Variants in TTC6 observed in about 807,000 individuals in gnomAD.
The protein encoded by TTC6 is tetratricopeptide repeat domain 6, also known as tetratricopeptide repeat protein 6.
Under a neutral mutation model 210.4 loss-of-function variants are expected in TTC6, and 172 were observed. That is an observed-to-expected ratio of 0.82 (90% CI 0.72 to 0.93). The LOEUF is 0.93. TTC6 is among the 40% of genes least tolerant of loss of function. The pLI is 0.00. For synonymous variants in TTC6, 804 were observed against 819.6 expected (o/e 0.98, Z 0.32); for missense variants, 2,414 against 2,318.1 (o/e 1.04, Z -0.85).
Position 37,803,787 on chromosome 14 carries a change from G to GTAATCC in TTC6, c.4030-892_4030-887dup, listed in dbSNP as rs1468801388. 2.0e-5 allele frequency among the ~76,000 whole-genome samples: 3 copies of GTAATCC among 152,296 alleles called. No homozygotes were observed. In the East Asian group the frequency reaches 5.8e-4, roughly 29 times the overall value. ...AGTAGAAAGGGGGGAAATTGAGACA[G>GTAATCC]TAATCCACTTTTTCTAGGCAAGGTC... On this transcript the variant is annotated intron_variant, in intron 20 of 30. Transcript: ENST00000553443.
intron 2 of TTC6, among the ~76,000 whole-genome samples, chr14:37,606,957 A>G (rs751963457): frequency 2.6e-5 from 4 of 152,226 alleles, no homozygotes; most frequent in African/African-American, 4.8e-5. Context: ...GCTGATTTGC[A>G]TTTGACATAA....
chr14:37,662,775 T>C (rs1245806327), intron 1 of TTC6, among the ~76,000 whole-genome samples: 1 of 152,194 alleles, frequency 6.6e-6, no homozygotes, highest in Non-Finnish European at 1.5e-5. Context: ...ATGTGCCTGT[T>C]TTTGTATCAG....
intron 14 of TTC6, among the ~76,000 whole-genome samples, chr14:37,779,581 C>A (rs1326228163): frequency 6.6e-6 from 1 of 152,144 alleles, no homozygotes; most frequent in African/African-American, 2.4e-5. Context: ...TTCTTAGAAA[C>A]ATGTCCTTTA....
intron 28 of TTC6, among the ~76,000 whole-genome samples, chr14:37,826,641 A>T (rs1017105815): frequency 6.6e-6 from 1 of 152,152 alleles, no homozygotes; most frequent in African/African-American, 2.4e-5. Context: ...AATGCATAAC[A>T]TAAAATAATG....
intron 1 of TTC6, among the ~76,000 whole-genome samples, chr14:37,664,181 G>T (rs1193100200): frequency 6.6e-6 from 1 of 150,510 alleles, no homozygotes; most frequent in East Asian, 1.9e-4. Flanking sequence ...CAAAAAAAGA[G>T]CCCATGTAGC....
chr14:37,724,767 T>C, intron 6 of TTC6, 131 bp from the exon 9 acceptor site: 1 of 493,094 alleles, frequency 2.0e-6, no homozygotes, highest in South Asian at 3.8e-5. Flanking sequence ...AAAAAAATTC[T>C]TATCCATATT....
intron 26 of TTC6, among the ~76,000 whole-genome samples, chr14:37,820,656 G>C (rs2096153267): frequency 6.6e-6 from 1 of 152,176 alleles, no homozygotes; most frequent in Non-Finnish European, 1.5e-5. Context: ...GAATATAAGA[G>C]AAGGGGATTT....
At chr14:37,814,063 T>C (rs1227082996) in intron 25 of TTC6, among the ~76,000 whole-genome samples, 1 of 152,166 alleles carries the variant, frequency 6.6e-6, no homozygotes, top group Non-Finnish European at 1.5e-5. Flanking sequence ...CTTAAAAATA[T>C]AAACTAGATC....
At chr14:37,687,495 G>T (rs1472130513) in intron 3 of TTC6, among the ~76,000 whole-genome samples, 1 of 152,166 alleles carries the variant, frequency 6.6e-6, no homozygotes, top group African/African-American at 2.4e-5. Flanking sequence ...TGAGACACCA[G>T]CCAGGGCAGC....
At chr14:37,646,065 G>A (rs961091246) in intron 1 of TTC6, among the ~76,000 whole-genome samples, 3 of 152,114 alleles carry the variant, frequency 2.0e-5, no homozygotes, top group Non-Finnish European at 2.9e-5. Context: ...CTTTGGGTGG[G>A]AATATCAGGA....
chr14:37,604,601 C>G (rs144087703), intron 1 of TTC6, among the ~76,000 whole-genome samples: 1 of 151,960 alleles, frequency 6.6e-6, no homozygotes, highest in Admixed American at 6.6e-5. Context: ...TCAGAGACCC[C>G]GATCATCGCC....
At chr14:37,777,770 G>GTTT (rs71127243) in intron 14 of TTC6, among the ~76,000 whole-genome samples, 2 of 136,434 alleles carry the variant, frequency 1.5e-5, no homozygotes, top group Admixed American at 7.4e-5. Flanking sequence ...CTTCGTGTAG[G>GTTT]TTTTTTTTTT....
chr14:37,840,425 G>A (rs906466807), intron 29 of TTC6, among the ~76,000 whole-genome samples: 1 of 152,120 alleles, frequency 6.6e-6, no homozygotes, highest in Admixed American at 6.5e-5. Context: ...AGAGGAGCTG[G>A]TACCATTCCT....
chr14:37,612,443 C>T (rs926825880), intron 2 of TTC6, among the ~76,000 whole-genome samples: 1 of 152,092 alleles, frequency 6.6e-6, no homozygotes, highest in African/African-American at 2.4e-5. Context: ...AGTCCTCTAG[C>T]CTTTTCTTTT....
intron 1 of TTC6, among the ~76,000 whole-genome samples, chr14:37,601,788 C>T (rs1401558071): frequency 6.6e-6 from 1 of 152,188 alleles, no homozygotes; most frequent in East Asian, 1.9e-4. Context: ...ATCAGCAGCT[C>T]GCTTTGCCCA....
chr14:37,800,633 C>A (rs1319135678), intron 20 of TTC6, among the ~76,000 whole-genome samples: 1 of 152,136 alleles, frequency 6.6e-6, no homozygotes, highest in African/African-American at 2.4e-5. Flanking sequence ...TCTTCTTAAC[C>A]AAACCAGAGG....
At chr14:37,635,261 C>T (rs1024738726) in intron 1 of TTC6, among the ~76,000 whole-genome samples, 5 of 151,898 alleles carry the variant, frequency 3.3e-5, no homozygotes, top group East Asian at 1.9e-4. Context: ...TCTAGGAGAC[C>T]GTGCTAATGG....
intron 3 of TTC6, among the ~76,000 whole-genome samples, chr14:37,692,231 A>AAT (rs2095805181): frequency 6.8e-6 from 1 of 147,882 alleles, no homozygotes; most frequent in Non-Finnish European, 1.5e-5. Context: ...AAAAAAAAAA[A>AAT]AGAAAAAAAG....
In TTC6 at chr14:37,633,710, T is replaced by A. The variant is rs1162580810; in HGVS notation, c.939+10707T>A. On this transcript the variant is annotated intron_variant, in intron 1 of 30. Transcript: ENST00000553443. ...TGGAGTGTCTAAACTTTCAACATCG[T>A]CCAGAAGTAAAGAGGCCACTCGCTC... Among the ~76,000 whole-genome samples the A allele has an allele frequency of 5.9e-5, 9 of 152,264 alleles. No homozygotes were observed. The South Asian group carries it at 1.9e-3, about 32-fold the overall frequency.
Sources: allele counts gnomAD v4.1 joint callset (sites outside exome capture counted in the v4.1 genomes callset), GRCh38; gene constraint gnomAD v4.1.1; transcripts MANE v1.5; gene names NCBI Gene and HGNC (gene_info 2026-07-23, HGNC 2026-07-21).